Variants in BOLL observed in about 807,000 individuals in gnomAD.
The protein encoded by BOLL is boule RNA binding protein.
A neutral mutation model predicts 44.4 loss-of-function variants in BOLL; 23 were observed. The observed-to-expected ratio is 0.52, with a 90% CI of 0.37 to 0.73. The LOEUF is 0.73. BOLL is among the 30% of genes least tolerant of loss of function. The pLI is 0.00. For synonymous variants in BOLL, 97 were observed against 110.8 expected (o/e 0.88, Z 0.78); for missense variants, 287 against 338.3 (o/e 0.85, Z 1.19).
intron 9 of BOLL, among the ~76,000 whole-genome samples, chr2:197,751,194 G>T (rs1277062999): frequency 1.3e-5 from 2 of 151,886 alleles, no homozygotes; most frequent in Non-Finnish European, 2.9e-5. Flanking sequence ...AGAAGAAAGA[G>T]GGAAAGATCT....
intron 10 of BOLL, among the ~76,000 whole-genome samples, chr2:197,738,847 A>T (rs1687614933): frequency 1.3e-5 from 2 of 152,196 alleles, no homozygotes; most frequent in African/African-American, 2.4e-5. Context: ...TTCAAATGTC[A>T]TTCACTAATA....
At chr2:197,759,436 T>C (rs1688654387) in intron 7 of BOLL, among the ~76,000 whole-genome samples, 1 of 151,644 alleles carries the variant, frequency 6.6e-6, no homozygotes. Flanking sequence ...GAATTAGGAG[T>C]ACAAAGTGTG....
intron 7 of BOLL, 97 bp from the exon 8 acceptor site, chr2:197,757,497 A>T: frequency 2.0e-6 from 2 of 1,002,672 alleles, no homozygotes; most frequent in South Asian, 3.2e-5. Flanking sequence ...GGACCCTCAC[A>T]CCATATACAA....
intron 10 of BOLL, 92 bp downstream of exon 10, chr2:197,742,969 A>G: frequency 2.2e-6 from 2 of 915,074 alleles, no homozygotes; most frequent in Admixed American, 3.3e-5. Context: ...TGATGTAAAT[A>G]TCCAAAATTG....
chr2:197,729,111 G>T (rs917988136), intron 10 of BOLL, among the ~76,000 whole-genome samples: 1 of 152,170 alleles, frequency 6.6e-6, no homozygotes, highest in African/African-American at 2.4e-5. Context: ...CAGGTCAGTG[G>T]GTGCGTGCAC....
chr2:197,764,800 C>A (rs939880500), intron 7 of BOLL, among the ~76,000 whole-genome samples: 1 of 152,100 alleles, frequency 6.6e-6, no homozygotes, highest in Non-Finnish European at 1.5e-5. Flanking sequence ...GCTCTGAATT[C>A]AGGTCCCATT....
At chr2:197,769,148 T>G (rs1418821360) in intron 6 of BOLL, among the ~76,000 whole-genome samples, 2 of 152,030 alleles carry the variant, frequency 1.3e-5, no homozygotes, top group Non-Finnish European at 2.9e-5. Flanking sequence ...TCTGCCAGGC[T>G]TTGGTATCAG....
chr2:197,759,352 C>T (rs1375800947), intron 7 of BOLL, among the ~76,000 whole-genome samples: 1 of 152,148 alleles, frequency 6.6e-6, no homozygotes, highest in East Asian at 1.9e-4. Flanking sequence ...CAAACAGCCA[C>T]ACTCCTTGCA....
chr2:197,767,564 G>C (rs917572877), intron 6 of BOLL, among the ~76,000 whole-genome samples: 1 of 151,924 alleles, frequency 6.6e-6, no homozygotes, highest in African/African-American at 2.4e-5. Flanking sequence ...TAACAAACAT[G>C]GTAGAAAATG....
chr2:197,763,181 T>C (rs1688835998), intron 7 of BOLL, among the ~76,000 whole-genome samples: 1 of 152,018 alleles, frequency 6.6e-6, no homozygotes, highest in South Asian at 2.1e-4. Flanking sequence ...ACTGAAGAAA[T>C]TGAAAACCTT....
intron 9 of BOLL, among the ~76,000 whole-genome samples, chr2:197,755,149 C>G (rs1005739980): frequency 2.6e-5 from 4 of 152,206 alleles, no homozygotes; most frequent in Non-Finnish European, 5.9e-5. Flanking sequence ...AAAAAAAGCT[C>G]AGCATCACTG....
intron 5 of BOLL, among the ~76,000 whole-genome samples, chr2:197,772,529 A>G (rs1000866659): frequency 3.2e-4 from 48 of 152,060 alleles, no homozygotes; most frequent in African/African-American, 1.0e-3. Context: ...CGTTCATGCT[A>G]TGGCTGTCTT....
chr2:197,740,328 A>G (rs1427302550), intron 10 of BOLL, among the ~76,000 whole-genome samples: 1 of 152,180 alleles, frequency 6.6e-6, no homozygotes, highest in East Asian at 1.9e-4. Context: ...TCACCAAAGT[A>G]CACTGTATGC....
rs1690014005 is a variant in BOLL, at chr2:197,785,183, G to T, written c.-143C>A. 7 of 985,898 alleles carry T rather than the reference G, an allele frequency of 7.1e-6. No homozygotes were observed. Among genetic ancestry groups the T allele is most frequent in the Non-Finnish European group, 7.2e-6 (6 of 829,920 alleles). 61.1% of individuals were successfully genotyped at this position (985,898 alleles called of 1,614,324 possible). A position where few individuals can be genotyped will look rare whatever the true frequency, so the allele number is the denominator to read the frequency against. On this transcript the variant is annotated 5_prime_UTR_variant, in exon 1 of 11. Transcript: ENST00000392296. This position sits in a 1 kb window ranked among gnomAD's most constrained non-coding sequence, Gnocchi z 6.7. ...ATCGTGAACTTGGGCACCGAAACGA[G>T]GATCCACCCCCTCCCCACCAAAGTG... is the stretch of plus-strand genomic sequence containing the variant.
chr2:197,745,810 G>A (rs1407298390), intron 9 of BOLL, among the ~76,000 whole-genome samples: 2 of 152,172 alleles, frequency 1.3e-5, no homozygotes, highest in Non-Finnish European at 2.9e-5. Context: ...GATTTCCCAA[G>A]AGGTCAATGT....
chr2:197,779,156 A>G lies in BOLL; in HGVS notation c.130-90T>C, dbSNP rs1574868352. 9 of 916,408 alleles carry G rather than the reference A, an allele frequency of 9.8e-6. No individual in the cohort carries two copies. The East Asian group carries it at 2.1e-4, about 21-fold the overall frequency. 56.8% of individuals were successfully genotyped at this position (916,408 alleles called of 1,614,324 possible). A position where few individuals can be genotyped will look rare whatever the true frequency, so the allele number is the denominator to read the frequency against. ...GCTTGCTCTGGAGACAGAAAAAGTTATAGATAAGATGCATGAAAAATGCCT... is the reference window on the plus strand; with the variant it reads ...GCTTGCTCTGGAGACAGAAAAAGTTGTAGATAAGATGCATGAAAAATGCCT... On this transcript the variant is annotated intron_variant, in intron 2 of 10. Transcript: ENST00000392296.
chr2:197,765,348 A>C (rs961612865), intron 7 of BOLL, among the ~76,000 whole-genome samples: 2 of 152,016 alleles, frequency 1.3e-5, no homozygotes, highest in African/African-American at 4.8e-5. Flanking sequence ...ATTAAAAAAA[A>C]AACAACAAAA....
At position 197,770,787 on chromosome 2, in the gene BOLL, A is replaced by T. The variant is rs201079852; in HGVS notation, c.480+1068T>A. Reference sequence around the variant, plus strand: ...GGCCATCAGAGAAATGCAAATCAAAACCACAGTGAGATACCATCTCACATC... The same window carrying T: ...GGCCATCAGAGAAATGCAAATCAAATCCACAGTGAGATACCATCTCACATC... On this transcript the variant is annotated intron_variant, in intron 6 of 10. Coordinates refer to ENST00000392296, the MANE Select transcript of BOLL (RefSeq NM_033030.6). 2.0e-4 allele frequency among the ~76,000 whole-genome samples: 31 copies of T among 152,274 alleles called. No individual in the cohort carries two copies. The East Asian group carries it at 6.0e-3, about 29-fold the overall frequency.
chr2:197,786,186 G>T, upstream of BOLL: 1 of 854,696 alleles, frequency 1.2e-6, no homozygotes, highest in Non-Finnish European at 1.7e-6. This position sits in a 1 kb window ranked among gnomAD's most constrained non-coding sequence, Gnocchi z 5.9. Context: ...GCCACCTGGC[G>T]GGTGGGGAGA....
Sources: allele counts gnomAD v4.1 joint callset (sites outside exome capture counted in the v4.1 genomes callset), GRCh38; gene constraint gnomAD v4.1.1; non-coding constraint Gnocchi (gnomAD v3.1); transcripts MANE v1.5; gene names NCBI Gene and HGNC (gene_info 2026-07-23, HGNC 2026-07-21).